The following CCDC146 variants were observed in gnomAD, a reference collection of about 807,000 sequenced individuals.
The protein encoded by CCDC146 is coiled-coil domain containing 146, also known as coiled-coil domain-containing protein 146.
In CCDC146, 92 loss-of-function variants were observed where a neutral mutation model predicts 119.3. The ratio of observed to expected loss-of-function variants is 0.77; its 90% confidence interval spans 0.65 to 0.92. The LOEUF is 0.92. CCDC146 is among the 40% of genes least tolerant of loss of function. The probability of loss-of-function intolerance (pLI) is 0.00; values close to 1 mark genes in which losing one functional copy is unlikely to be tolerated. For synonymous variants in CCDC146, 372 were observed against 371.8 expected, an observed-to-expected ratio of 1.00 and a Z score of -0.01; for missense variants, 1,000 against 1,103.0, an observed-to-expected ratio of 0.91 and a Z score of 1.32.
At chr7:77,290,393 G>GA (rs1380852104) in intron 17 of CCDC146, among the ~76,000 whole-genome samples, 2 of 150,744 alleles carry the variant, frequency 1.3e-5, no homozygotes, top group South Asian at 4.2e-4. Flanking sequence ...AAACAGATGA[G>GA]AAAAAAGAAG....
At chr7:77,159,854 C>T (rs1291900755) in intron 1 of CCDC146, among the ~76,000 whole-genome samples, 2 of 152,134 alleles carry the variant, frequency 1.3e-5, no homozygotes, top group African/African-American at 4.8e-5. Flanking sequence ...ATGCCTATGT[C>T]CTGAATGGTA....
In CCDC146 at chr7:77,124,932, C is replaced by G. The variant is rs187835616; in HGVS notation, c.-12+2200C>G. ...CCCTGGCCAGGTGCAGTGGCTCATGCCTGTAATTTCAGCACTTTGGGAGGC... is the reference window on the plus strand; with the variant it reads ...CCCTGGCCAGGTGCAGTGGCTCATGGCTGTAATTTCAGCACTTTGGGAGGC... On this transcript the variant is annotated intron_variant, in intron 1 of 18. Coordinates refer to ENST00000285871, the MANE Select transcript of CCDC146 (RefSeq NM_020879.3). Among the ~76,000 whole-genome samples the G allele has an allele frequency of 7.2e-3, 1,091 of 152,110 alleles. 10 individuals carry two copies. Among genetic ancestry groups the G allele is most frequent in the Non-Finnish European group, 8.7e-3 (591 of 68,004 alleles).
chr7:77,198,293 C>T (rs1406108083), intron 2 of CCDC146: 1 of 985,304 alleles, frequency 1.0e-6, no homozygotes, highest in Admixed American at 6.1e-5. Context: ...GATCTCCGCC[C>T]TGTCCTTTCA....
At chr7:77,272,991 C>T (rs1439500929) in intron 9 of CCDC146, among the ~76,000 whole-genome samples, 1 of 152,128 alleles carries the variant, frequency 6.6e-6, no homozygotes, top group Non-Finnish European at 1.5e-5. Flanking sequence ...TTTTCTTTAT[C>T]CTATACAATT....
At chr7:77,244,339 T>C (rs1792905501) in intron 4 of CCDC146, among the ~76,000 whole-genome samples, 1 of 152,076 alleles carries the variant, frequency 6.6e-6, no homozygotes, top group Non-Finnish European at 1.5e-5. Flanking sequence ...AAGTGTACAG[T>C]GTTTATAAGG....
intron 11 of CCDC146, among the ~76,000 whole-genome samples, chr7:77,275,297 C>G (rs1793612628): frequency 6.6e-6 from 1 of 152,176 alleles, no homozygotes; most frequent in African/African-American, 2.4e-5. Flanking sequence ...TCAAAGGGTC[C>G]TGGAACCAGT....
intron 2 of CCDC146, among the ~76,000 whole-genome samples, chr7:77,206,627 T>C (rs1792084214): frequency 6.7e-6 from 1 of 148,624 alleles, no homozygotes; most frequent in Non-Finnish European, 1.5e-5. Context: ...AGCGAAACTC[T>C]GTCTCCAAAA....
chr7:77,223,365 C>T (rs1265397220), intron 2 of CCDC146, among the ~76,000 whole-genome samples: 2 of 152,220 alleles, frequency 1.3e-5, no homozygotes, highest in Admixed American at 1.3e-4. Flanking sequence ...ATTACTCACC[C>T]ACCTTGCCCA....
chr7:77,188,879 G>C (rs903303301), intron 2 of CCDC146, among the ~76,000 whole-genome samples: 1 of 152,146 alleles, frequency 6.6e-6, no homozygotes, highest in Non-Finnish European at 1.5e-5. Context: ...GGCACCTCTT[G>C]AATGACATCA....
At chr7:77,262,994 G>C (rs920022044) in intron 9 of CCDC146, among the ~76,000 whole-genome samples, 2 of 152,170 alleles carry the variant, frequency 1.3e-5, no homozygotes, top group Admixed American at 6.5e-5. Context: ...AGCGAAAAAG[G>C]GGTCAGCCTC....
At chr7:77,141,069 AG>A (rs1223621262) in intron 1 of CCDC146, among the ~76,000 whole-genome samples, 4 of 151,884 alleles carry the variant, frequency 2.6e-5, no homozygotes, top group Admixed American at 1.3e-4. Flanking sequence ...TCCCTCCCCT[AG>A]CCCCACACCC....
intron 4 of CCDC146, among the ~76,000 whole-genome samples, chr7:77,250,925 A>G (rs1357325830): frequency 1.4e-5 from 2 of 142,558 alleles, no homozygotes; most frequent in Non-Finnish European, 3.0e-5. Context: ...TAGTAAGCCT[A>G]TTAGAGGCAT....
intron 2 of CCDC146, among the ~76,000 whole-genome samples, chr7:77,190,929 T>C (rs1347352690): frequency 1.3e-5 from 2 of 152,192 alleles, no homozygotes; most frequent in African/African-American, 4.8e-5. Context: ...TTATTCCTGC[T>C]TTTTTCTTCA....
chr7:77,148,085 T>C (rs1037319803), intron 1 of CCDC146, among the ~76,000 whole-genome samples: 10 of 152,196 alleles, frequency 6.6e-5, no homozygotes, highest in African/African-American at 9.6e-5. Context: ...GCCACTTTGA[T>C]TACCTACTCA....
At chr7:77,238,565 C>T (rs376249966) in intron 3 of CCDC146, among the ~76,000 whole-genome samples, 81 of 152,164 alleles carry the variant, frequency 5.3e-4, no homozygotes, top group African/African-American at 1.7e-3. Flanking sequence ...TACAGGAGCC[C>T]GCCACCACAC....
chr7:77,192,369 G>A lies in CCDC146; in HGVS notation c.156+24545G>A, dbSNP rs527242728. 7.9e-5 allele frequency among the ~76,000 whole-genome samples: 12 copies of A among 152,310 alleles called. No homozygotes were observed. In the East Asian group the frequency reaches 2.3e-3, roughly 29 times the overall value. On this transcript the variant is annotated intron_variant, in intron 2 of 18. Coordinates refer to ENST00000285871, the MANE Select transcript of CCDC146 (RefSeq NM_020879.3). The stretch of plus-strand genomic sequence containing the variant: ...TGACTTGCCCAGGATCATACAGCTT[G>A]CAAATAGTGGAGCTGAAATTCAAAC...
chr7:77,266,867 A>G (rs1793414458), intron 9 of CCDC146, among the ~76,000 whole-genome samples: 1 of 152,196 alleles, frequency 6.6e-6, no homozygotes, highest in South Asian at 2.1e-4. Context: ...AATTCACATA[A>G]TCACAGAATG....
At chr7:77,129,463 T>C (rs1028182064) in intron 1 of CCDC146, among the ~76,000 whole-genome samples, 1 of 152,004 alleles carries the variant, frequency 6.6e-6, no homozygotes. Context: ...AGAAAAAAAC[T>C]ATATGCTGAG....
At chr7:77,266,061 C>T (rs751441044) in intron 9 of CCDC146, among the ~76,000 whole-genome samples, 3 of 152,110 alleles carry the variant, frequency 2.0e-5, no homozygotes, top group South Asian at 2.1e-4. Context: ...TTGACTTCCA[C>T]GTGGCACTGA....
Sources: gnomAD v4.1 joint callset for allele counts (sites outside exome capture counted in the v4.1 genomes callset) on GRCh38, gnomAD v4.1.1 for gene constraint, MANE v1.5 for transcripts, NCBI Gene and HGNC (gene_info 2026-07-23, HGNC 2026-07-21) for gene names.